The following IFFO1 variants were observed in gnomAD, a reference collection of about 807,000 sequenced individuals.
The protein encoded by IFFO1 is intermediate filament family orphan 1, also known as non-homologous end joining factor IFFO1.
A neutral mutation model predicts 59.6 loss-of-function variants in IFFO1; 42 were observed. The observed-to-expected ratio is 0.70, with a 90% CI of 0.55 to 0.91. IFFO1 has a LOEUF of 0.91. IFFO1 is among the 40% of genes least tolerant of loss of function. The pLI is 0.00. For synonymous variants in IFFO1, 336 were observed against 342.8 expected, an observed-to-expected ratio of 0.98 and a Z score of 0.22; for missense variants, 711 against 793.2, an observed-to-expected ratio of 0.90 and a Z score of 1.24.
Position 6,541,739 on chromosome 12 carries a change from T to G in IFFO1, c.1480-97A>C. ...AGGCCAACACGCCAAGAGCAGTGGCTGGGCCGGGGGCCCAGGCAGCCATTA... is the reference window on the plus strand; with the variant it reads ...AGGCCAACACGCCAAGAGCAGTGGCGGGGCCGGGGGCCCAGGCAGCCATTA... On this transcript the variant is annotated intron_variant, in intron 8 of 9. Transcript: ENST00000619571. The surrounding 1 kb of genome is among the most constrained non-coding windows in gnomAD (Gnocchi z 4.8). 1 of 1,508,370 alleles carries G rather than the reference T, an allele frequency of 6.6e-7. No homozygotes were observed. Among genetic ancestry groups the G allele is most frequent in the Non-Finnish European group, 9.1e-7 (1 of 1,103,448 alleles). The allele number at this position is 1,508,370 out of a possible 1,614,324, so 93.4% of individuals were successfully genotyped here.
rs1392069659 is a variant in IFFO1 at position 6,551,703 on chromosome 12, A to C, written c.774-702T>G. The stretch of plus-strand genomic sequence containing the variant: ...GACACACGAGCCTGGGGTTACTAGC[A>C]CTCAAACCCAGAGGGAAAGAGAAAG... On this transcript the variant is annotated intron_variant, in intron 1 of 9. Coordinates refer to ENST00000619571, the MANE Select transcript of IFFO1 (RefSeq NM_001193457.2). 3 of 363,108 alleles carry C rather than the reference A, an allele frequency of 8.3e-6. No homozygotes were observed. In the East Asian group the frequency reaches 2.2e-4, roughly 27 times the overall value. 22.5% of individuals were successfully genotyped at this position (363,108 alleles called of 1,614,324 possible). A position where few individuals can be genotyped will look rare whatever the true frequency, so the allele number is the denominator to read the frequency against.
chr12:6,549,724 C>G lies in IFFO1; in HGVS notation c.1071+32G>C. 1.3e-6 allele frequency: 2 copies of G among 1,594,072 alleles called. No homozygotes were observed. The highest frequency in any genetic ancestry group is 1.7e-4 in the Middle Eastern group (1 of 5,990). On this transcript the variant is annotated intron_variant, in intron 4 of 9. Transcript: ENST00000619571. This position sits in a 1 kb window ranked among gnomAD's most constrained non-coding sequence, Gnocchi z 5.0. Reference sequence around the variant, plus strand: ...CGGAAGCATCCACCTGCCCCACCCACCCCTGAGAGCAGAGGGCAGCTCCGT... The same window carrying G: ...CGGAAGCATCCACCTGCCCCACCCAGCCCTGAGAGCAGAGGGCAGCTCCGT...
Position 6,549,517 on chromosome 12 carries a change from A to G in IFFO1, c.1072-33T>C. The G allele has an allele frequency of 6.3e-7, 1 of 1,581,456 alleles. No individual in the cohort carries two copies. The highest frequency in any genetic ancestry group is 1.3e-5 in the African/African-American group (1 of 74,322). ...GGAAGCAAGAGAGAAGATGAGAGGA[A>G]GAGAGGAGAGGAAGCAGACAGAGGA... is the stretch of plus-strand genomic sequence containing the variant. On this transcript the variant is annotated intron_variant, in intron 4 of 9. Coordinates refer to ENST00000619571, the MANE Select transcript of IFFO1 (RefSeq NM_001193457.2). The surrounding 1 kb of genome is among the most constrained non-coding windows in gnomAD (Gnocchi z 5.0).
intron 1 of IFFO1, among the ~76,000 whole-genome samples, chr12:6,554,940 G>A (rs1947368853): frequency 6.6e-6 from 1 of 152,192 alleles, no homozygotes; most frequent in Non-Finnish European, 1.5e-5. Context: ...CCAGGGCTGA[G>A]ACCGGTAGGG....
At chr12:6,539,496 A>G (rs932468740), downstream of IFFO1, 6 of 152,298 alleles carry the variant, frequency 3.9e-5, no homozygotes, top group Admixed American at 3.3e-4. Context: ...ACTAGTGAAT[A>G]TTAGGAAGTG....
At chr12:6,551,445 A>G in intron 1 of IFFO1, 1 of 1,295,938 alleles carries the variant, frequency 7.7e-7, no homozygotes, top group Non-Finnish European at 1.0e-6. Context: ...GCACCAGAAC[A>G]GAGCTCGTCG....
In IFFO1 at chr12:6,548,682, G is replaced by A; in HGVS notation, c.1248C>T (p.Arg416=). The stretch of plus-strand genomic sequence containing the variant: ...TGCGGACTCACAGCTGGTTGAGCAT[G>A]CGCTGCATCTCCTCGTTGATGCTGA... ...TALSINEEMQ[R]MLNQLREYDF... is the part of the protein sequence containing the mutation. Residue 416 remains arginine, a synonymous_variant, in exon 6 of 10, where the codon CGC becomes CGT. Transcript: ENST00000619571. The surrounding 1 kb of genome is among the most constrained non-coding windows in gnomAD (Gnocchi z 6.1). The A allele has an allele frequency of 3.1e-6, 5 of 1,614,134 alleles. No homozygotes were observed. The highest frequency in any genetic ancestry group is 1.1e-5 in the South Asian group (1 of 91,088).
Position 6,541,595 on chromosome 12 carries a change from C to T in IFFO1, c.1527G>A (p.Glu509=). ...AKNDMNRHLH[E]YMEMCSMKRG... ...GCTTCATGCTGCACATCTCCATGTA[C>T]TCGTGCAGGTGCCGGTTCATGTCGT... Residue 509 remains glutamate (E), a synonymous_variant, in exon 9 of 10, where the codon GAG becomes GAA. Transcript: ENST00000619571. This position sits in a 1 kb window ranked among gnomAD's most constrained non-coding sequence, Gnocchi z 4.8. The T allele has an allele frequency of 1.2e-6, 2 of 1,614,228 alleles. No individual in the cohort carries two copies. Among genetic ancestry groups the T allele is most frequent in the Non-Finnish European group, 8.5e-7 (1 of 1,180,032 alleles).
chr12:6,553,736 C>T (rs1163657259), intron 1 of IFFO1, among the ~76,000 whole-genome samples: 2 of 152,212 alleles, frequency 1.3e-5, no homozygotes, highest in African/African-American at 4.8e-5. Context: ...GACGCTACTG[C>T]ACTCCAGCCC....
Position 6,548,464 on chromosome 12 carries a change from G to A in IFFO1, c.1344C>T (p.Phe448=). Reference sequence around the variant, plus strand: ...CTGCAGCTGCCATGGCATAGCCTGAGAAATCCTCCCAAAGCAGCAGGGTCT... The same window carrying A: ...CTGCAGCTGCCATGGCATAGCCTGAAAAATCCTCCCAAAGCAGCAGGGTCT... The part of the protein sequence containing the change: ...TEETLLLWED[F]SGYAMAAAEA... The change falls in exon 7 of 10, where the codon TTC becomes TTT. Residue 448 remains phenylalanine (F), a synonymous_variant. Transcript: ENST00000619571. This position sits in a 1 kb window ranked among gnomAD's most constrained non-coding sequence, Gnocchi z 6.1. 1 of 1,613,968 alleles carries A rather than the reference G, an allele frequency of 6.2e-7. No homozygotes were observed. Among genetic ancestry groups the A allele is most frequent in the Non-Finnish European group, 8.5e-7 (1 of 1,179,894 alleles).
At chr12:6,547,350 C>A (rs1024836855) in intron 8 of IFFO1, among the ~76,000 whole-genome samples, 1 of 151,868 alleles carries the variant, frequency 6.6e-6, no homozygotes, top group African/African-American at 2.4e-5. Flanking sequence ...AAGATCACGG[C>A]TGCAGTGGGC....
rs764107239 is a variant in IFFO1 at position 6,549,731 on chromosome 12, G to A, written c.1071+25C>T. 6 of 1,599,536 alleles carry A rather than the reference G, an allele frequency of 3.8e-6. No homozygotes were observed. In the Admixed American group the frequency reaches 1.0e-4, roughly 27 times the overall value. ...ATCCACCTGCCCCACCCACCCCTGAGAGCAGAGGGCAGCTCCGTCCTCACC... is the reference window on the plus strand; with the variant it reads ...ATCCACCTGCCCCACCCACCCCTGAAAGCAGAGGGCAGCTCCGTCCTCACC... On this transcript the variant is annotated intron_variant, in intron 4 of 9. Coordinates refer to ENST00000619571, the MANE Select transcript of IFFO1 (RefSeq NM_001193457.2). This position sits in a 1 kb window ranked among gnomAD's most constrained non-coding sequence, Gnocchi z 5.0.
At chr12:6,542,651 G>A (rs188553024) in intron 8 of IFFO1, among the ~76,000 whole-genome samples, 7 of 152,322 alleles carry the variant, frequency 4.6e-5, no homozygotes, top group Non-Finnish European at 7.3e-5. Context: ...GTGAGATGGC[G>A]GCTGGCTGGG....
At chr12:6,550,166 G>C (rs1156807440) in intron 3 of IFFO1, 2 of 428,834 alleles carry the variant, frequency 4.7e-6, no homozygotes, top group Non-Finnish European at 8.4e-6. Flanking sequence ...ACATGCAGGG[G>C]GCTCACTGGA....
rs1176627564 is a variant in IFFO1, at chr12:6,555,929, C to A, written c.101G>T (p.Gly34Val). 6.4e-7 allele frequency: 1 copy of A among 1,551,526 alleles called. No homozygotes were observed. Among genetic ancestry groups the A allele is most frequent in the Admixed American group, 1.9e-5 (1 of 51,282 alleles). The change falls in exon 1 of 10, where the codon GGG becomes GTG. Residue 34 changes from glycine to valine, a missense_variant. This residue lies in a region of IFFO1 where 114 missense variants were observed against 102.4 expected (regional missense o/e 1.11). Transcript: ENST00000619571. The surrounding 1 kb of genome is among the most constrained non-coding windows in gnomAD (Gnocchi z 8.6). ...GDSLGGDHFAGGGDLPPAPLS... is the reference protein window; with the variant it reads ...GDSLGGDHFAVGGDLPPAPLS... ...AGGCGCCGGGGGCAAGTCTCCTCCC[C>A]CGGCGAAGTGGTCGCCTCCCAGTGA...
chr12:6,553,198 A>G (rs866301501), intron 1 of IFFO1, among the ~76,000 whole-genome samples: 19 of 152,216 alleles, frequency 1.2e-4, no homozygotes, highest in Admixed American at 4.6e-4. Context: ...CACTGCCAGT[A>G]TCACGCACCA....
At position 6,555,211 on chromosome 12, in the gene IFFO1, G is replaced by T; in HGVS notation, c.773+46C>A. 1 of 1,589,508 alleles carries T rather than the reference G, an allele frequency of 6.3e-7. No homozygotes were observed. The highest frequency in any genetic ancestry group is 8.6e-7 in the Non-Finnish European group (1 of 1,158,628). On this transcript the variant is annotated intron_variant, in intron 1 of 9. Transcript: ENST00000619571. The surrounding 1 kb of genome is among the most constrained non-coding windows in gnomAD (Gnocchi z 8.6). ...CCCACACCAACTCGCGGCCCGTTGTGAGTGGTATGACACAGAGAGACCTGT... is the reference window on the plus strand; with the variant it reads ...CCCACACCAACTCGCGGCCCGTTGTTAGTGGTATGACACAGAGAGACCTGT...
Position 6,548,540 on chromosome 12 carries a change from T to C in IFFO1, c.1268A>G (p.Glu423Gly). ...EMQRMLNQLR[E>G]YDFEDDCDSL... Reference sequence around the variant, plus strand: ...GTCACAGTCGTCCTCAAAATCATACTCCCTCCTAGAGACAGGGAACCCGGG... The same window carrying C: ...GTCACAGTCGTCCTCAAAATCATACCCCCTCCTAGAGACAGGGAACCCGGG... Residue 423 changes from glutamate to glycine, a missense_variant, in exon 7 of 10, where the codon GAG becomes GGG. By Grantham distance (98) the Glu-to-Gly change is moderately conservative (BLOSUM62 -2). Transcript: ENST00000619571. The surrounding 1 kb of genome is among the most constrained non-coding windows in gnomAD (Gnocchi z 6.1). 1 of 1,613,498 alleles carries C rather than the reference T, an allele frequency of 6.2e-7. No homozygotes were observed. The highest frequency in any genetic ancestry group is 8.5e-7 in the Non-Finnish European group (1 of 1,179,704).
At chr12:6,546,514 T>G (rs1233240202) in intron 8 of IFFO1, among the ~76,000 whole-genome samples, 4 of 152,168 alleles carry the variant, frequency 2.6e-5, no homozygotes, top group Non-Finnish European at 5.9e-5. Flanking sequence ...GACGGAGTCT[T>G]GCTCTGTCGC....
Sources: allele counts gnomAD v4.1 joint callset (sites outside exome capture counted in the v4.1 genomes callset), GRCh38; gene constraint gnomAD v4.1.1; regional missense constraint gnomAD v4.1.1; non-coding constraint Gnocchi (gnomAD v3.1); transcripts MANE v1.5; gene names NCBI Gene and HGNC (gene_info 2026-07-23, HGNC 2026-07-21).